Variants in EPG5 observed in about 807,000 individuals in gnomAD.
EPG5 encodes the protein ectopic P granules protein 5 homolog.
In EPG5, 159 loss-of-function variants were observed where a neutral mutation model predicts 302.7. The ratio of observed to expected loss-of-function variants is 0.53; its 90% CI spans 0.46 to 0.60. EPG5 has a LOEUF of 0.60. EPG5 is among the 20% of genes least tolerant of loss of function. The pLI is 0.00. For synonymous variants in EPG5, 1,158 were observed against 1,136.8 expected (o/e 1.02, Z -0.37); for missense variants, 2,896 against 3,092.4 (o/e 0.94, Z 1.51).
In EPG5 at chr18:45,934,973, G is replaced by A. The variant is rs191189597; in HGVS notation, c.2100-7C>T. On this transcript the variant is annotated splice_region_variant and splice_polypyrimidine_tract_variant and intron_variant, in intron 10 of 43. Transcript: ENST00000282041. ...AAACAGCCAAATGCCAAGTCTGCAT[G>A]TAAGCAGGAATCATTTTATTTATTA... 2.4e-4 allele frequency: 384 copies of A among 1,601,828 alleles called. No individual in the cohort carries two copies. The highest frequency in any genetic ancestry group is 3.0e-4 in the Admixed American group (17 of 56,890).
Position 45,876,221 on chromosome 18 carries a change from C to T in EPG5, c.6049+15G>A. 5 of 1,576,516 alleles carry T rather than the reference C, an allele frequency of 3.2e-6. No individual in the cohort carries two copies. The highest frequency in any genetic ancestry group is 4.4e-6 in the Non-Finnish European group (5 of 1,145,934). On this transcript the variant is annotated intron_variant, in intron 35 of 43. Coordinates refer to ENST00000282041, the MANE Select transcript of EPG5 (RefSeq NM_020964.3). ...AAAATGAAAACTAAGCAGAGACAGC[C>T]TGACATCTTCCTACCTTTAAAACTC...
chr18:45,890,068 T>A, intron 27 of EPG5, 128 bp from the exon 28 acceptor site: 2 of 631,812 alleles, frequency 3.2e-6, no homozygotes, highest in Non-Finnish European at 5.1e-6. Context: ...TATGACTGCC[T>A]TATAAACTGG....
intron 34 of EPG5, 82 bp from the exon 35 acceptor site, chr18:45,876,424 G>T: frequency 1.8e-6 from 2 of 1,138,324 alleles, no homozygotes; most frequent in Non-Finnish European, 2.6e-6. Context: ...GCTGGCCTAA[G>T]TCCTGGAAGC....
At chr18:45,859,387 C>A (rs1361862493) in intron 40 of EPG5, among the ~76,000 whole-genome samples, 1 of 152,138 alleles carries the variant, frequency 6.6e-6, no homozygotes, top group African/African-American at 2.4e-5. Context: ...TGGGCATGTG[C>A]TGTTCATGGG....
At chr18:45,927,119 G>A (rs1296903090) in intron 13 of EPG5, among the ~76,000 whole-genome samples, 3 of 149,396 alleles carry the variant, frequency 2.0e-5, no homozygotes, top group Admixed American at 6.8e-5. Context: ...TGCAAGCTCC[G>A]CCTCCCAGGT....
chr18:45,953,440 T>C, intron 2 of EPG5: 1 of 985,340 alleles, frequency 1.0e-6, no homozygotes, highest in Non-Finnish European at 1.2e-6. Flanking sequence ...CCCTCCTTAC[T>C]ATGTACAGAG....
chr18:45,864,887 G>C (rs1239967238), intron 39 of EPG5, among the ~76,000 whole-genome samples: 1 of 152,178 alleles, frequency 6.6e-6, no homozygotes, highest in Non-Finnish European at 1.5e-5. Context: ...GCCAAAACAG[G>C]TAACTGTCTT....
the EPG5 span, among the ~76,000 whole-genome samples, chr18:45,835,234 CAAGT>C: frequency 1.3e-5 from 2 of 152,110 alleles, no homozygotes; most frequent in African/African-American, 4.8e-5. Flanking sequence ...GGGAGATAAG[CAAGT>C]AAGAGACCCC....
chr18:45,915,692 A>G (rs2050014646), intron 19 of EPG5, 71 bp from the exon 20 acceptor site: 1 of 1,129,668 alleles, frequency 8.9e-7, no homozygotes, highest in Non-Finnish European at 1.3e-6. Flanking sequence ...TTACAAGAGT[A>G]TCAGCAACTG....
intron 30 of EPG5, among the ~76,000 whole-genome samples, chr18:45,883,572 C>G (rs1201969773): frequency 2.7e-5 from 4 of 150,648 alleles, no homozygotes; most frequent in African/African-American, 9.8e-5. Flanking sequence ...GCAATTCTCC[C>G]ACCTCAGCCT....
At chr18:45,813,228 A>G in the EPG5 span, among the ~76,000 whole-genome samples, 1 of 152,204 alleles carries the variant, frequency 6.6e-6, no homozygotes, top group African/African-American at 2.4e-5. Flanking sequence ...ACCATCTCAC[A>G]CCAGTTAGAA....
the EPG5 span, chr18:45,837,720 C>T: frequency 1.3e-6 from 2 of 1,499,990 alleles, no homozygotes; most frequent in East Asian, 2.8e-5. Context: ...TGCCAGACGG[C>T]GCTGAGCCTG....
intron 7 of EPG5, among the ~76,000 whole-genome samples, chr18:45,944,729 TG>T (rs1271111144): frequency 6.6e-6 from 1 of 152,198 alleles, no homozygotes; most frequent in Non-Finnish European, 1.5e-5. Flanking sequence ...CACTCCAGGC[TG>T]GGTGACAGAA....
Position 45,879,092 on chromosome 18 carries a change from G to A in EPG5, c.5790C>T (p.Phe1930=), listed in dbSNP as rs1377219038. The A allele has an allele frequency of 9.3e-6, 15 of 1,614,088 alleles. No homozygotes were observed. Among genetic ancestry groups the A allele is most frequent in the Non-Finnish European group, 1.2e-5 (14 of 1,180,004 alleles). The change falls in exon 33 of 44, where the codon TTC becomes TTT. Residue 1930 remains phenylalanine (F), a synonymous_variant. Coordinates refer to ENST00000282041, the MANE Select transcript of EPG5 (RefSeq NM_020964.3). The part of the protein sequence containing the change: ...WSPYMADVKT[F]LGYLVKRLID... ...TCAGCCTTTTCACAAGGTAGCCCAA[G>A]AATGTCTTCACATCAGCCATATAAG...
chr18:45,933,432 G>A (rs549693120), intron 11 of EPG5, among the ~76,000 whole-genome samples: 14 of 152,074 alleles, frequency 9.2e-5, no homozygotes, highest in Non-Finnish European at 2.1e-4. Flanking sequence ...TTATCCCAGC[G>A]TTTTGGGAGG....
At chr18:45,841,959 G>C in the EPG5 span, 2 of 737,432 alleles carry the variant, frequency 2.7e-6, no homozygotes, top group Admixed American at 4.3e-5. Flanking sequence ...CCCAGCCTCC[G>C]ATGCCATTCA....
intron 27 of EPG5, among the ~76,000 whole-genome samples, chr18:45,898,783 T>C (rs568116853): frequency 6.6e-4 from 100 of 152,322 alleles, no homozygotes; most frequent in African/African-American, 2.4e-3. Flanking sequence ...AATGACATCA[T>C]GGCCACTCCA....
At chr18:45,845,028 C>T (rs753082896), downstream of EPG5, among the ~76,000 whole-genome samples, 4 of 152,182 alleles carry the variant, frequency 2.6e-5, no homozygotes, top group Non-Finnish European at 5.9e-5. Flanking sequence ...CAGATTTCCA[C>T]GACTGTCTTC....
chr18:45,806,656 G>A, the EPG5 span, among the ~76,000 whole-genome samples: 3 of 151,966 alleles, frequency 2.0e-5, no homozygotes, highest in East Asian at 3.9e-4. Context: ...ACCTGAAGCC[G>A]AGTCAATTTA....
Sources: gnomAD v4.1 joint callset for allele counts (sites outside exome capture counted in the v4.1 genomes callset) on GRCh38, gnomAD v4.1.1 for gene constraint, MANE v1.5 for transcripts, NCBI Gene and HGNC (gene_info 2026-07-23, HGNC 2026-07-21) for gene names.